Variants in EP400 observed in about 807,000 individuals in gnomAD.
The protein encoded by EP400 is E1A-binding protein p400.
EP400 carries 105 observed loss-of-function variants against 354.1 expected under a neutral mutation model. The observed-to-expected ratio is 0.30, with a 90% confidence interval of 0.25 to 0.35. EP400 has a LOEUF of 0.35. Ranked by LOEUF, EP400 falls within the 10% of genes least tolerant of loss-of-function variation. The pLI is 1.00. For missense variants in EP400, 3,280 were observed against 4,121.0 expected (o/e 0.80, Z 5.59); for synonymous variants, 1,646 against 1,716.9 (o/e 0.96, Z 1.02).
intron 19 of EP400, among the ~76,000 whole-genome samples, chr12:132,016,423 C>T (rs1893936373): frequency 6.6e-6 from 1 of 152,096 alleles, no homozygotes; most frequent in Non-Finnish European, 1.5e-5. Flanking sequence ...GGCTGGAGTG[C>T]AGTGGCACGA....
rs1224826643 is a variant in EP400, at chr12:131,982,428, A to G, written c.1879A>G (p.Thr627Ala). 2 of 1,613,812 alleles carry G rather than the reference A, an allele frequency of 1.2e-6. No homozygotes were observed. Among genetic ancestry groups the G allele is most frequent in the African/African-American group, 1.3e-5 (1 of 74,972 alleles). The change falls in exon 5 of 53, where the codon ACA becomes GCA. Residue 627 changes from threonine to alanine, a missense_variant. Transcript: ENST00000389561. Reference protein sequence around the residue: ...QPAQLALHVPTPGKVQVQASQ... With the variant: ...QPAQLALHVPAPGKVQVQASQ... ...TGCACAGCTGGCCCTCCACGTTCCC[A>G]CACCTGGAAAGGTGCAGGTGCAGGC...
At chr12:132,026,994 T>G (rs1320853724) in intron 25 of EP400, among the ~76,000 whole-genome samples, 1 of 152,204 alleles carries the variant, frequency 6.6e-6, no homozygotes, top group Non-Finnish European at 1.5e-5. Flanking sequence ...GTTGCAGTTG[T>G]GAGGACTGGG....
chr12:132,005,347 G>A (rs766456630), intron 13 of EP400, among the ~76,000 whole-genome samples, 163 bp downstream of exon 13: 12 of 152,004 alleles, frequency 7.9e-5, no homozygotes, highest in Non-Finnish European at 1.2e-4. Context: ...ATTAAATTCC[G>A]TGCTTTTAAT....
chr12:131,965,849 T>G (rs181194677), intron 2 of EP400, among the ~76,000 whole-genome samples: 1 of 152,306 alleles, frequency 6.6e-6, no homozygotes, highest in Admixed American at 6.5e-5. Context: ...CCCCAGTTTG[T>G]TTATCCATTT....
chr12:132,061,820 T>G (rs1895703952), intron 45 of EP400, among the ~76,000 whole-genome samples: 1 of 152,192 alleles, frequency 6.6e-6, no homozygotes, highest in Admixed American at 6.5e-5. Flanking sequence ...CCAAGAGGTC[T>G]TTGTGCGGAG....
chr12:132,061,547 G>A (rs999495393), intron 45 of EP400, among the ~76,000 whole-genome samples: 1 of 152,246 alleles, frequency 6.6e-6, no homozygotes, highest in African/African-American at 2.4e-5. Context: ...AGGAAGGACG[G>A]TGAGGCAAGG....
rs762364930 is a variant in EP400, at chr12:132,077,530, G to A, written c.9229G>A (p.Ala3077Thr). The A allele has an allele frequency of 1.1e-5, 18 of 1,613,752 alleles. No homozygotes were observed. The highest frequency in any genetic ancestry group is 1.4e-5 in the Non-Finnish European group (17 of 1,180,022). Residue 3077 changes from alanine (A) to threonine (T), a missense_variant, in exon 53 of 53, where the codon GCG (alanine) becomes ACG (threonine). This residue lies in a region of EP400 where 279 missense variants were observed against 386.7 expected (regional missense o/e 0.72). Coordinates refer to ENST00000389561, the MANE Select transcript of EP400 (RefSeq NM_015409.5). ...CATTCAGCAGCAGGTGGTGACCACG[G>A]CGTCGGCCCCGCTCCAGACTCCAGG... Reference protein sequence around the residue: ...KLIQQQVVTTASAPLQTPGAP... With the variant: ...KLIQQQVVTTTSAPLQTPGAP...
At chr12:132,014,321 G>A (rs1253917631) in intron 19 of EP400, among the ~76,000 whole-genome samples, 1 of 152,228 alleles carries the variant, frequency 6.6e-6, no homozygotes, top group Non-Finnish European at 1.5e-5. Context: ...GTGGCACGCT[G>A]GTGTCTGTGG....
intron 39 of EP400, among the ~76,000 whole-genome samples, chr12:132,048,244 G>A (rs1003898432): frequency 6.6e-6 from 1 of 152,180 alleles, no homozygotes; most frequent in African/African-American, 2.4e-5. Flanking sequence ...AATCACAAGG[G>A]TATTGACTGG....
intron 1 of EP400, among the ~76,000 whole-genome samples, chr12:131,953,310 T>G (rs1489040768): frequency 1.3e-5 from 2 of 152,194 alleles, no homozygotes; most frequent in East Asian, 3.8e-4. Flanking sequence ...TATAACCTTA[T>G]TATTTGGTGT....
chr12:132,057,673 AAGAT>A (rs1895557843), intron 45 of EP400, among the ~76,000 whole-genome samples: 1 of 152,214 alleles, frequency 6.6e-6, no homozygotes, highest in Admixed American at 6.5e-5. Flanking sequence ...ATGTGACTTT[AAGAT>A]TATTTCACTT....
intron 51 of EP400, among the ~76,000 whole-genome samples, chr12:132,071,304 T>A (rs763360886): frequency 1.3e-5 from 2 of 152,158 alleles, no homozygotes; most frequent in Non-Finnish European, 2.9e-5. Flanking sequence ...CCCAGATTCA[T>A]GTCTGTAGCC....
chr12:131,990,905 G>C lies in EP400; in HGVS notation c.2629+191G>C, dbSNP rs917879409. Among the ~76,000 whole-genome samples, 4 of 152,180 alleles carry C rather than the reference G, an allele frequency of 2.6e-5. No individual in the cohort carries two copies. Among genetic ancestry groups the C allele is most frequent in the African/African-American group, 9.7e-5 (4 of 41,446 alleles). ...GCTTCAGTGCTTTTGAGATGTGCTA[G>C]TGTGAGTCAGCACCCCCAAGTTGAT... On this transcript the variant is annotated intron_variant, in intron 9 of 52. Coordinates refer to ENST00000389561, the MANE Select transcript of EP400 (RefSeq NM_015409.5). The surrounding 1 kb of genome is among the most constrained non-coding windows in gnomAD (Gnocchi z 4.2).
At chr12:132,074,591 GT>G (rs1555224004) in intron 51 of EP400, among the ~76,000 whole-genome samples, 1 of 152,182 alleles carries the variant, frequency 6.6e-6, no homozygotes, top group Non-Finnish European at 1.5e-5. Flanking sequence ...AGCAGCCACT[GT>G]TTGTTTACGT....
rs750249709 is a variant in EP400 at position 131,987,842 on chromosome 12, C to A, written c.2361C>A (p.Ala787=). The change falls in exon 7 of 53, where the codon GCC becomes GCA. Residue 787 remains alanine (A), a synonymous_variant. Coordinates refer to ENST00000389561, the MANE Select transcript of EP400 (RefSeq NM_015409.5). ...DYLLEEMQWM[A]TDFAQERRWK... The stretch of plus-strand genomic sequence containing the variant: ...TGCTGGAGGAGATGCAGTGGATGGC[C>A]ACAGACTTTGCCCAGGAGAGGAGGT... 3.7e-6 allele frequency: 6 copies of A among 1,613,278 alleles called. No homozygotes were observed. Among genetic ancestry groups the A allele is most frequent in the Non-Finnish European group, 5.1e-6 (6 of 1,179,698 alleles).
intron 45 of EP400, among the ~76,000 whole-genome samples, chr12:132,058,391 G>A (rs1204270137): frequency 7.1e-6 from 1 of 140,430 alleles, no homozygotes; most frequent in African/African-American, 2.8e-5. Flanking sequence ...GTCTCTCCCT[G>A]TCACCCAGGC....
Position 132,006,860 on chromosome 12 carries a change from A to T in EP400, c.3287A>T (p.His1096Leu). ...GTGCAGATCATTGCTTTTTTTGCCC[A>T]CCTAGCTTGTAACGAAGGTAAGAGT... ...KTVQIIAFFA[H>L]LACNEGNWGP... The change falls in exon 15 of 53, where the codon CAC (histidine) becomes CTC (leucine). Residue 1096 changes from histidine (H) to leucine (L), a missense_variant. Physicochemically the swap from His to Leu is moderately conservative, Grantham distance 99. This residue lies in a region of EP400 where 242 missense variants were observed against 357.9 expected (regional missense o/e 0.68). Transcript: ENST00000389561. 1.2e-6 allele frequency: 2 copies of T among 1,613,842 alleles called. No homozygotes were observed. Among genetic ancestry groups the T allele is most frequent in the South Asian group, 2.2e-5 (2 of 90,976 alleles).
chr12:131,987,842 C>T lies in EP400; in HGVS notation c.2361C>T (p.Ala787=), dbSNP rs750249709. ...DYLLEEMQWM[A]TDFAQERRWK... Reference sequence around the variant, plus strand: ...TGCTGGAGGAGATGCAGTGGATGGCCACAGACTTTGCCCAGGAGAGGAGGT... The same window carrying T: ...TGCTGGAGGAGATGCAGTGGATGGCTACAGACTTTGCCCAGGAGAGGAGGT... The change falls in exon 7 of 53, where the codon GCC becomes GCT. Residue 787 remains alanine, a synonymous_variant. Coordinates refer to ENST00000389561, the MANE Select transcript of EP400 (RefSeq NM_015409.5). 1.7e-5 allele frequency: 28 copies of T among 1,613,160 alleles called. No individual in the cohort carries two copies. Among genetic ancestry groups the T allele is most frequent in the Admixed American group, 3.3e-5 (2 of 59,872 alleles).
At chr12:131,967,695 GAA>G (rs572504913) in intron 2 of EP400, among the ~76,000 whole-genome samples, 1 of 131,288 alleles carries the variant, frequency 7.6e-6, no homozygotes. Context: ...GTCTCAAAAA[GAA>G]AAAAAAAAAA....
Sources: gnomAD v4.1 joint callset for allele counts (sites outside exome capture counted in the v4.1 genomes callset) on GRCh38, gnomAD v4.1.1 for gene constraint, gnomAD v4.1.1 regional missense constraint, Gnocchi (gnomAD v3.1) non-coding constraint, MANE v1.5 for transcripts, NCBI Gene and HGNC (gene_info 2026-07-23, HGNC 2026-07-21) for gene names.